The following TACR3 variants were observed in gnomAD, a reference collection of about 807,000 sequenced individuals.
TACR3 encodes neuromedin-K receptor.
In TACR3, 34 loss-of-function variants were observed where a neutral mutation model predicts 35.0. The observed-to-expected ratio is 0.97, with a 90% CI of 0.74 to 1.30. The LOEUF (loss-of-function observed/expected upper bound fraction) is 1.30. TACR3 is among the 50% of genes most tolerant of loss of function. The pLI is 0.00. For synonymous variants in TACR3, 233 were observed against 221.1 expected (o/e 1.05, Z -0.48); for missense variants, 558 against 591.7 (o/e 0.94, Z 0.59).
chr4:103,599,953 G>T (rs1447207344), intron 3 of TACR3, among the ~76,000 whole-genome samples: 1 of 152,122 alleles, frequency 6.6e-6, no homozygotes, highest in Admixed American at 6.5e-5. Context: ...TTGGTATCAG[G>T]ATGATGCTGG....
intron 3 of TACR3, among the ~76,000 whole-genome samples, chr4:103,611,561 T>C (rs1724513163): frequency 6.6e-6 from 1 of 152,180 alleles, no homozygotes; most frequent in African/African-American, 2.4e-5. Context: ...CCACATGCAT[T>C]ACCTCTTTTG....
At chr4:103,711,693 G>A (rs1391017859) in intron 1 of TACR3, among the ~76,000 whole-genome samples, 7 of 152,244 alleles carry the variant, frequency 4.6e-5, no homozygotes, top group Non-Finnish European at 1.0e-4. Context: ...AGGAAAAGAG[G>A]AAGTCAAATT....
chr4:103,622,083 G>A (rs1724795156), intron 3 of TACR3, among the ~76,000 whole-genome samples: 1 of 152,156 alleles, frequency 6.6e-6, no homozygotes, highest in Non-Finnish European at 1.5e-5. Flanking sequence ...CATGGACAGG[G>A]AGACTTCTCG....
At chr4:103,641,203 A>G (rs1725349183) in intron 3 of TACR3, among the ~76,000 whole-genome samples, 1 of 151,860 alleles carries the variant, frequency 6.6e-6, no homozygotes, top group Admixed American at 6.6e-5. Flanking sequence ...GTTAATATCA[A>G]TTTATTGTAA....
chr4:103,661,919 T>C (rs1725842782), intron 1 of TACR3, among the ~76,000 whole-genome samples: 1 of 152,154 alleles, frequency 6.6e-6, no homozygotes, highest in Admixed American at 6.6e-5. Context: ...TGGTTTTCTG[T>C]GAAGTAGAAA....
intron 1 of TACR3, among the ~76,000 whole-genome samples, chr4:103,698,750 AG>A (rs1212018235): frequency 6.6e-6 from 1 of 152,114 alleles, no homozygotes; most frequent in Non-Finnish European, 1.5e-5. Context: ...GACTATAGTT[AG>A]CAATAATCTA....
Position 103,605,964 on chromosome 4 carries a change from C to T in TACR3, c.889-14281G>A, listed in dbSNP as rs1431115300. On this transcript the variant is annotated intron_variant, in intron 3 of 4. Transcript: ENST00000304883. ...AGGGTTTTTATGGTTTTAGGTCGTA[C>T]GTTTAAGTCTTTAATCCATCTTGAA... Among the ~76,000 whole-genome samples, 224 of 151,720 alleles carry T rather than the reference C, an allele frequency of 1.5e-3. 1 individual carries two copies. The highest frequency in any genetic ancestry group is 4.9e-3 in the African/African-American group (202 of 41,088).
At chr4:103,654,418 ACAT>A (rs1560823586) in intron 3 of TACR3, among the ~76,000 whole-genome samples, 1 of 150,196 alleles carries the variant, frequency 6.7e-6, no homozygotes, top group Non-Finnish European at 1.5e-5. Context: ...GAAACTGGAA[ACAT>A]CATTCTCAGC....
chr4:103,598,187 A>G (rs1183852858), intron 3 of TACR3, among the ~76,000 whole-genome samples: 1 of 152,078 alleles, frequency 6.6e-6, no homozygotes, highest in Non-Finnish European at 1.5e-5. Context: ...TTTGATTTGC[A>G]TTTCTCTGAT....
chr4:103,598,490 G>A, intron 3 of TACR3, among the ~76,000 whole-genome samples: 1 of 152,132 alleles, frequency 6.6e-6, no homozygotes, highest in East Asian at 1.9e-4. Flanking sequence ...GGCTTTTGTT[G>A]CCATTGCTTT....
In TACR3 at chr4:103,586,922, G is replaced by A. The variant is rs1334673415; in HGVS notation, c.*2760C>T. The A allele has an allele frequency of 6.6e-6, 1 of 152,000 alleles. No individual in the cohort carries two copies. Among genetic ancestry groups the A allele is most frequent in the Non-Finnish European group, 1.5e-5 (1 of 68,000 alleles). The allele number at this position is 152,000 out of a possible 1,614,324, so 9.4% of individuals were successfully genotyped here. ...TTTAAAAGAGAATACTTACAATGAT[G>A]TAAGCCTTTTTGATTCTTTCATATT... is the stretch of plus-strand genomic sequence containing the variant. On this transcript the variant is annotated 3_prime_UTR_variant, in exon 5 of 5. Transcript: ENST00000304883.
intron 3 of TACR3, among the ~76,000 whole-genome samples, chr4:103,623,608 C>A (rs978735201): frequency 6.6e-5 from 10 of 151,990 alleles, no homozygotes; most frequent in African/African-American, 2.4e-4. Flanking sequence ...ATCACTTGCC[C>A]AAGACTGCCT....
At chr4:103,636,265 A>G (rs992617800) in intron 3 of TACR3, among the ~76,000 whole-genome samples, 33 of 151,928 alleles carry the variant, frequency 2.2e-4, no homozygotes, top group African/African-American at 7.5e-4. Flanking sequence ...AACACAAAAT[A>G]CTATGTATTG....
intron 3 of TACR3, among the ~76,000 whole-genome samples, chr4:103,619,441 C>T (rs1402072703): frequency 6.6e-6 from 1 of 152,128 alleles, no homozygotes; most frequent in Admixed American, 6.6e-5. Flanking sequence ...CTGCCCACCT[C>T]AGCCTCCCAA....
intron 1 of TACR3, among the ~76,000 whole-genome samples, chr4:103,661,181 A>ATG (rs754007180): frequency 6.6e-6 from 1 of 151,858 alleles, no homozygotes; most frequent in Non-Finnish European, 1.5e-5. Flanking sequence ...TATGTGTTAT[A>ATG]TGTGTGTGTG....
intron 1 of TACR3, among the ~76,000 whole-genome samples, chr4:103,683,295 A>T (rs1185811561): frequency 1.3e-5 from 2 of 151,936 alleles, no homozygotes; most frequent in Admixed American, 1.3e-4. Flanking sequence ...CCATCTGTGA[A>T]AACTAGAAAA....
chr4:103,717,497 A>G (rs557072349), intron 1 of TACR3, among the ~76,000 whole-genome samples: 2 of 152,300 alleles, frequency 1.3e-5, no homozygotes, highest in African/African-American at 4.8e-5. Context: ...AAATGTTGGC[A>G]GGAAGAAATT....
chr4:103,704,761 G>T (rs1722747602), intron 1 of TACR3, among the ~76,000 whole-genome samples: 1 of 152,034 alleles, frequency 6.6e-6, no homozygotes, highest in African/African-American at 2.4e-5. Flanking sequence ...TGCTAAAGAA[G>T]ACTACTGATA....
intron 1 of TACR3, among the ~76,000 whole-genome samples, chr4:103,660,531 C>G (rs1360496563): frequency 2.7e-5 from 4 of 149,462 alleles, no homozygotes; most frequent in Admixed American, 2.7e-4. Context: ...GTGTTCTTAA[C>G]ACACACACAC....
Sources: allele counts gnomAD v4.1 joint callset (sites outside exome capture counted in the v4.1 genomes callset), GRCh38; gene constraint gnomAD v4.1.1; transcripts MANE v1.5; gene names NCBI Gene and HGNC (gene_info 2026-07-23, HGNC 2026-07-21).